The following LRRC7 variants were observed in gnomAD, a reference collection of about 807,000 sequenced individuals.
LRRC7 encodes leucine-rich repeat-containing protein 7.
A neutral mutation model predicts 175.7 loss-of-function variants in LRRC7; 23 were observed. The observed-to-expected ratio is 0.13, with a 90% CI of 0.09 to 0.19. The LOEUF (loss-of-function observed/expected upper bound fraction) is 0.19. LRRC7 is among the 10% of genes least tolerant of loss of function. The pLI, the probability that LRRC7 is intolerant of heterozygous loss-of-function variation, is 1.00. For synonymous variants in LRRC7, 685 were observed against 680.9 expected (o/e 1.01, Z -0.09); for missense variants, 1,354 against 1,904.7 (o/e 0.71, Z 5.38).
chr1:69,825,420 A>T (rs1368664989), intron 4 of LRRC7, among the ~76,000 whole-genome samples: 1 of 152,100 alleles, frequency 6.6e-6, no homozygotes, highest in Non-Finnish European at 1.5e-5. Context: ...CTATAACTTA[A>T]TAACTTAAGC....
Position 69,879,212 on chromosome 1 carries a change from T to TAAAAAAAAAAAAAAAAA in LRRC7, c.647+40937_647+40953dup, listed in dbSNP as rs201332183. ...TTTTGCTGTAAACCTAAAACTGCTT[T>TAAAAAAAAAAAAAAAAA]AAAAAAAAAAAAAAAAAAAAAAAAG... On this transcript the variant is annotated intron_variant, in intron 7 of 26. Transcript: ENST00000651989. Among the ~76,000 whole-genome samples the TAAAAAAAAAAAAAAAAA allele has an allele frequency of 2.2e-4, 20 of 91,968 alleles. 2 individuals are homozygous for TAAAAAAAAAAAAAAAAA. Among genetic ancestry groups the TAAAAAAAAAAAAAAAAA allele is most frequent in the African/African-American group, 9.9e-4 (19 of 19,192 alleles). The allele number at this position is 91,968 out of a possible 152,430, so 60.3% of individuals were successfully genotyped here. A position where few individuals can be genotyped will look rare whatever the true frequency, so the allele number is the denominator to read the frequency against.
chr1:69,795,375 G>GAAA (rs201651394), intron 4 of LRRC7, among the ~76,000 whole-genome samples: 1 of 135,330 alleles, frequency 7.4e-6, no homozygotes, highest in Non-Finnish European at 1.6e-5. Context: ...ACACCGTCTC[G>GAAA]AAAAAAAAAA....
intron 24 of LRRC7, among the ~76,000 whole-genome samples, chr1:70,077,275 C>T (rs1662851373): frequency 6.6e-6 from 1 of 152,264 alleles, no homozygotes; most frequent in African/African-American, 2.4e-5. Context: ...AGATTACGTA[C>T]TAATCATTCT....
intron 26 of LRRC7, among the ~76,000 whole-genome samples, chr1:70,112,524 A>G (rs1490049759): frequency 6.6e-6 from 1 of 152,220 alleles, no homozygotes; most frequent in Admixed American, 6.5e-5. Flanking sequence ...TTTGTGATGT[A>G]TCTAATAAAT....
intron 1 of LRRC7, among the ~76,000 whole-genome samples, chr1:69,614,066 TATC>T (rs1649232280): frequency 6.6e-6 from 1 of 150,558 alleles, no homozygotes; most frequent in Non-Finnish European, 1.5e-5. Flanking sequence ...GAATGATAAT[TATC>T]ATTCATAAAG....
intron 9 of LRRC7, among the ~76,000 whole-genome samples, chr1:69,982,327 C>T (rs1180867892): frequency 6.6e-6 from 1 of 152,194 alleles, no homozygotes; most frequent in Non-Finnish European, 1.5e-5. Flanking sequence ...CCCTACACCT[C>T]CCTGCCAGAA....
chr1:69,774,801 T>TA (rs2100997473), intron 3 of LRRC7, among the ~76,000 whole-genome samples: 1 of 152,176 alleles, frequency 6.6e-6, no homozygotes, highest in South Asian at 2.1e-4. Flanking sequence ...GATGGTGGCT[T>TA]TGGTGGTGAG....
At chr1:70,068,033 A>G (rs776743068) in intron 23 of LRRC7, among the ~76,000 whole-genome samples, 16 of 152,072 alleles carry the variant, frequency 1.1e-4, no homozygotes, top group Non-Finnish European at 1.9e-4. Context: ...TGAATTTTCT[A>G]TCTAGACAGT....
chr1:69,691,872 T>C (rs1022398494), intron 2 of LRRC7, among the ~76,000 whole-genome samples: 7 of 146,194 alleles, frequency 4.8e-5, no homozygotes, highest in African/African-American at 1.5e-4. Flanking sequence ...TAGTTGACAG[T>C]ACAGTTGGAG....
chr1:69,960,033 T>A (rs1264773732), intron 8 of LRRC7, among the ~76,000 whole-genome samples: 1 of 152,106 alleles, frequency 6.6e-6, no homozygotes, highest in African/African-American at 2.4e-5. Flanking sequence ...TCCTTTTTGA[T>A]TTTTTGGAAT....
intron 4 of LRRC7, among the ~76,000 whole-genome samples, chr1:69,800,339 G>A (rs1190440160): frequency 6.6e-6 from 1 of 151,908 alleles, no homozygotes; most frequent in Non-Finnish European, 1.5e-5. Flanking sequence ...GGTCAGTATG[G>A]TCATTTCAAC....
intron 7 of LRRC7, among the ~76,000 whole-genome samples, chr1:69,908,045 G>C (rs895101403): frequency 2.0e-5 from 3 of 152,170 alleles, no homozygotes; most frequent in Non-Finnish European, 2.9e-5. Context: ...TAGTTTATTT[G>C]CATGGAGGTG....
chr1:69,894,586 A>C (rs536384420), intron 7 of LRRC7, among the ~76,000 whole-genome samples: 2 of 152,354 alleles, frequency 1.3e-5, no homozygotes, highest in South Asian at 4.1e-4. Context: ...AAAGAAAAGC[A>C]ACCTAAATGT....
chr1:69,895,119 C>G (rs897714584), intron 7 of LRRC7, among the ~76,000 whole-genome samples: 1 of 152,140 alleles, frequency 6.6e-6, no homozygotes, highest in African/African-American at 2.4e-5. Flanking sequence ...GTAATCCCAG[C>G]TACTCGGGAG....
intron 7 of LRRC7, among the ~76,000 whole-genome samples, chr1:69,886,943 G>A (rs1645649936): frequency 1.3e-5 from 2 of 151,922 alleles, no homozygotes; most frequent in South Asian, 4.2e-4. Context: ...TTGAAAATTG[G>A]CCCCCACTCC....
At chr1:70,056,309 AAAG>A (rs1340245863) in intron 23 of LRRC7, among the ~76,000 whole-genome samples, 12 of 152,180 alleles carry the variant, frequency 7.9e-5, no homozygotes, top group African/African-American at 2.9e-4. Context: ...AATAGGCAGA[AAAG>A]AAATAATCAA....
At chr1:69,856,679 A>G (rs974237076) in intron 7 of LRRC7, among the ~76,000 whole-genome samples, 2 of 152,150 alleles carry the variant, frequency 1.3e-5, no homozygotes, top group African/African-American at 4.8e-5. Context: ...AATTCTACCA[A>G]AGGTACAAGG....
chr1:69,786,054 CTCAAG>C (rs1307022681), intron 3 of LRRC7, among the ~76,000 whole-genome samples: 1 of 152,074 alleles, frequency 6.6e-6, no homozygotes, highest in Non-Finnish European at 1.5e-5. Flanking sequence ...TAACATCTCA[CTCAAG>C]TCAATTATTT....
intron 2 of LRRC7, among the ~76,000 whole-genome samples, chr1:69,694,745 C>T (rs572823073): frequency 5.3e-5 from 8 of 152,010 alleles, no homozygotes; most frequent in African/African-American, 1.9e-4. Flanking sequence ...CCTACCCCCC[C>T]CCACTTCCTC....
Sources: allele counts gnomAD v4.1 joint callset (sites outside exome capture counted in the v4.1 genomes callset), GRCh38; gene constraint gnomAD v4.1.1; transcripts MANE v1.5; gene names NCBI Gene and HGNC (gene_info 2026-07-23, HGNC 2026-07-21).